The following ZYG11B variants were observed in gnomAD, a reference collection of about 807,000 sequenced individuals.
ZYG11B encodes the protein zyg-11 family member B, cell cycle regulator, also known as protein zyg-11 homolog B.
A neutral mutation model predicts 82.4 loss-of-function variants in ZYG11B; 36 were observed. That is an observed-to-expected ratio of 0.44 (90% CI 0.33 to 0.58). The LOEUF is 0.58. ZYG11B is among the 20% of genes least tolerant of loss of function. ZYG11B has a pLI of 0.02. For synonymous variants in ZYG11B, 303 were observed against 312.8 expected (o/e 0.97, Z 0.33); for missense variants, 552 against 895.6 (o/e 0.62, Z 4.90).
chr1:52,820,135 C>T (rs893772661), intron 13 of ZYG11B, among the ~76,000 whole-genome samples: 4 of 151,224 alleles, frequency 2.6e-5, no homozygotes, highest in South Asian at 2.1e-4. Context: ...AGGATGGTCT[C>T]GATCTCCTGA....
intron 3 of ZYG11B, chr1:52,772,562 T>A: frequency 6.2e-7 from 1 of 1,607,674 alleles, no homozygotes; most frequent in South Asian, 1.1e-5. Context: ...CGTCGTCAGA[T>A]GTCAACTTCA....
In ZYG11B at chr1:52,726,756, G is replaced by T. The variant is rs370967367; in HGVS notation, c.30+73G>T. 73 of 1,372,694 alleles carry T rather than the reference G, an allele frequency of 5.3e-5. 1 individual carries two copies. In the South Asian group the frequency reaches 1.0e-3, roughly 19 times the overall value. The allele number at this position is 1,372,694 out of a possible 1,614,324, so 85.0% of individuals were successfully genotyped here. A position where few individuals can be genotyped will look rare whatever the true frequency, so the allele number is the denominator to read the frequency against. The stretch of plus-strand genomic sequence containing the variant: ...CCCCGCCCGTCGCGCTGGCCCCTGC[G>T]GTCTTGCCCCTCCCTGTCTCTGGTG... On this transcript the variant is annotated intron_variant, in intron 1 of 13. Coordinates refer to ENST00000294353, the MANE Select transcript of ZYG11B (RefSeq NM_024646.3).
rs180877344 is a variant in ZYG11B, at chr1:52,787,077, C to T, written c.1269+2024C>T. On this transcript the variant is annotated intron_variant, in intron 5 of 13. Transcript: ENST00000294353. ...TGAACTCCAGCTTGGGCAACAAGAGCGAAACTCTTGTCTCAAAAAAAAAAA... is the reference window on the plus strand; with the variant it reads ...TGAACTCCAGCTTGGGCAACAAGAGTGAAACTCTTGTCTCAAAAAAAAAAA... Among the ~76,000 whole-genome samples the T allele has an allele frequency of 7.2e-5, 10 of 137,968 alleles. No individual in the cohort carries two copies. In the East Asian group the frequency reaches 1.6e-3, roughly 22 times the overall value. 90.5% of individuals were successfully genotyped at this position (137,968 alleles called of 152,430 possible).
At chr1:52,731,829 A>T (rs1644334876) in intron 1 of ZYG11B, among the ~76,000 whole-genome samples, 1 of 152,132 alleles carries the variant, frequency 6.6e-6, no homozygotes, top group Non-Finnish European at 1.5e-5. Context: ...TTGAGACAGG[A>T]TCTCACTCTG....
chr1:52,735,550 A>G (rs1644371939), intron 1 of ZYG11B, among the ~76,000 whole-genome samples: 1 of 151,264 alleles, frequency 6.6e-6, no homozygotes, highest in South Asian at 2.1e-4. Context: ...AATTTTTTTT[A>G]TTTTGAGACA....
chr1:52,808,197 T>C (rs1558142325), intron 10 of ZYG11B, among the ~76,000 whole-genome samples: 1 of 152,040 alleles, frequency 6.6e-6, no homozygotes, highest in Admixed American at 6.6e-5. Flanking sequence ...ACTCCATCTC[T>C]TCTCAAAATA....
At chr1:52,770,919 T>TA (rs1321316944) in intron 2 of ZYG11B, 101 bp from the exon 3 acceptor site, 1 of 1,248,302 alleles carries the variant, frequency 8.0e-7, no homozygotes, top group African/African-American at 1.5e-5. Context: ...TCAGACGAGA[T>TA]ACTGTTACAT....
chr1:52,780,963 C>T (rs993232535), intron 4 of ZYG11B, among the ~76,000 whole-genome samples: 15 of 151,870 alleles, frequency 9.9e-5, no homozygotes, highest in African/African-American at 3.4e-4. Flanking sequence ...GCCAACATGG[C>T]GAAACCCCAT....
chr1:52,730,025 C>T (rs1644316800), intron 1 of ZYG11B, among the ~76,000 whole-genome samples: 1 of 152,096 alleles, frequency 6.6e-6, no homozygotes. Context: ...CTAGGCTGGC[C>T]TCAAACTCCT....
chr1:52,772,997 A>G (rs1054207256), intron 3 of ZYG11B, among the ~76,000 whole-genome samples: 2 of 151,962 alleles, frequency 1.3e-5, no homozygotes, highest in Non-Finnish European at 2.9e-5. Context: ...TTTTTAATGG[A>G]TAACTTCAGA....
intron 3 of ZYG11B, among the ~76,000 whole-genome samples, chr1:52,776,229 A>AAAAAAAAAAATATATATAT: frequency 3.8e-4 from 9 of 23,538 alleles, no homozygotes; most frequent in Admixed American, 8.1e-4. Context: ...TAAAAAAAAA[A>AAAAAAAAAAATATATATAT]ATATATATAT....
chr1:52,803,490 A>T (rs1457762973), intron 10 of ZYG11B, among the ~76,000 whole-genome samples: 1 of 149,690 alleles, frequency 6.7e-6, no homozygotes, highest in South Asian at 2.1e-4. Context: ...GTGTGTATAT[A>T]TATATTTATA....
At chr1:52,783,139 C>G (rs1043585963) in intron 4 of ZYG11B, among the ~76,000 whole-genome samples, 2 of 152,066 alleles carry the variant, frequency 1.3e-5, no homozygotes, top group African/African-American at 4.8e-5. Context: ...GTTGGCCAGG[C>G]TGGTCTCGAA....
At chr1:52,813,013 G>A (rs982498070) in intron 10 of ZYG11B, among the ~76,000 whole-genome samples, 7 of 152,216 alleles carry the variant, frequency 4.6e-5, no homozygotes, top group East Asian at 3.9e-4. Flanking sequence ...TTAGAGTGGC[G>A]TCTTATCAGA....
chr1:52,751,338 A>C (rs1644522385), intron 1 of ZYG11B, among the ~76,000 whole-genome samples: 2 of 151,744 alleles, frequency 1.3e-5, no homozygotes, highest in South Asian at 4.2e-4. Context: ...TAGTTAAAAA[A>C]AAAAAAAAAT....
In ZYG11B at chr1:52,761,396, A is replaced by G. The variant is rs79056374; in HGVS notation, c.196+4773A>G. 4.8e-3 allele frequency among the ~76,000 whole-genome samples: 736 copies of G among 152,174 alleles called. 7 individuals are homozygous for G. Among genetic ancestry groups the G allele is most frequent in the African/African-American group, 0.017 (711 of 41,536 alleles). On this transcript the variant is annotated intron_variant, in intron 2 of 13. Coordinates refer to ENST00000294353, the MANE Select transcript of ZYG11B (RefSeq NM_024646.3). ...CCTGTTCTACTTTTACTTCTATGAGATCAGTTTTTTAGCTTTCACATATGA... is the reference window on the plus strand; with the variant it reads ...CCTGTTCTACTTTTACTTCTATGAGGTCAGTTTTTTAGCTTTCACATATGA...
At chr1:52,815,212 G>A (rs1483049869) in intron 12 of ZYG11B, among the ~76,000 whole-genome samples, 1 of 151,796 alleles carries the variant, frequency 6.6e-6, no homozygotes, top group Middle Eastern at 3.2e-3. Context: ...TTATTAAAGG[G>A]CATACTGGGC....
chr1:52,827,324 G>C lies in ZYG11B; in HGVS notation c.*5695G>C, dbSNP rs1336400645. Reference sequence around the variant, plus strand: ...TGGGATTTTTTTTGCCTAAATAAATGTTATAAATTTTATGTAAAGTGTGTC... The same window carrying C: ...TGGGATTTTTTTTGCCTAAATAAATCTTATAAATTTTATGTAAAGTGTGTC... On this transcript the variant is annotated 3_prime_UTR_variant, in exon 14 of 14. Transcript: ENST00000294353. 6.6e-6 allele frequency: 1 copy of C among 152,076 alleles called. No individual in the cohort carries two copies. The highest frequency in any genetic ancestry group is 1.5e-5 in the Non-Finnish European group (1 of 67,998). The allele number at this position is 152,076 out of a possible 1,614,324, so 9.4% of individuals were successfully genotyped here. A position where few individuals can be genotyped will look rare whatever the true frequency, so the allele number is the denominator to read the frequency against.
intron 10 of ZYG11B, 126 bp from the exon 11 acceptor site, chr1:52,813,410 T>G (rs1645200139): frequency 1.4e-6 from 1 of 723,426 alleles, no homozygotes; most frequent in African/African-American, 1.8e-5. Flanking sequence ...TTTGAATACT[T>G]TCTCTCAGGG....
Sources: allele counts gnomAD v4.1 joint callset (sites outside exome capture counted in the v4.1 genomes callset), GRCh38; gene constraint gnomAD v4.1.1; transcripts MANE v1.5; gene names NCBI Gene and HGNC (gene_info 2026-07-23, HGNC 2026-07-21).